Variants in CHST9 observed in about 807,000 individuals in gnomAD.
CHST9 encodes carbohydrate sulfotransferase 9.
In CHST9, 41 loss-of-function variants were observed where a neutral mutation model predicts 44.4. The ratio of observed to expected loss-of-function variants is 0.92; its 90% CI spans 0.72 to 1.20. The LOEUF is 1.20. Ranked by LOEUF, CHST9 falls within the 50% of genes most tolerant of loss-of-function variation. The pLI is 0.00. For synonymous variants in CHST9, 171 were observed against 178.4 expected, an observed-to-expected ratio of 0.96 and a Z score of 0.33; for missense variants, 504 against 516.5, an observed-to-expected ratio of 0.98 and a Z score of 0.23.
At position 27,039,765 on chromosome 18, in the gene CHST9, T is replaced by C. The variant is rs116059339; in HGVS notation, c.160+8700A>G. On this transcript the variant is annotated intron_variant, in intron 3 of 5. Transcript: ENST00000618847. Reference sequence around the variant, plus strand: ...CAGAAAGATATAGTCCATTTCAAGTTACCATGAAGGTTAAGGAAAAATATT... The same window carrying C: ...CAGAAAGATATAGTCCATTTCAAGTCACCATGAAGGTTAAGGAAAAATATT... 1.6e-3 allele frequency among the ~76,000 whole-genome samples: 247 copies of C among 152,304 alleles called. 1 individual carries two copies. The highest frequency in any genetic ancestry group is 5.5e-3 in the African/African-American group (229 of 41,570).
chr18:27,156,772 G>A (rs1567942032), intron 1 of CHST9, among the ~76,000 whole-genome samples: 1 of 152,076 alleles, frequency 6.6e-6, no homozygotes, highest in Admixed American at 6.5e-5. Context: ...AATGGATCAA[G>A]CTGGTTTTGA....
At chr18:27,130,649 T>C (rs1405320430) in intron 2 of CHST9, among the ~76,000 whole-genome samples, 3 of 152,222 alleles carry the variant, frequency 2.0e-5, no homozygotes, top group African/African-American at 4.8e-5. Context: ...TATACAATGA[T>C]ATTCTTAGCA....
chr18:27,020,076 G>GCA (rs1448628267), intron 4 of CHST9, among the ~76,000 whole-genome samples: 4 of 152,202 alleles, frequency 2.6e-5, no homozygotes, highest in Non-Finnish European at 5.9e-5. Context: ...GTTGTAGAGG[G>GCA]CACTGGCGGG....
chr18:27,154,701 C>T (rs533628941), intron 1 of CHST9, among the ~76,000 whole-genome samples: 34 of 151,964 alleles, frequency 2.2e-4, no homozygotes, highest in Admixed American at 9.2e-4. Context: ...TTTATCACAG[C>T]GGTTCGGTAT....
At chr18:27,151,489 G>C (rs1156929978) in intron 1 of CHST9, among the ~76,000 whole-genome samples, 1 of 152,162 alleles carries the variant, frequency 6.6e-6, no homozygotes, top group East Asian at 1.9e-4. Context: ...ACTGGAAGCT[G>C]TGAATATGTG....
chr18:26,999,710 A>G (rs2056926553), intron 4 of CHST9, among the ~76,000 whole-genome samples: 1 of 152,190 alleles, frequency 6.6e-6, no homozygotes, highest in African/African-American at 2.4e-5. Flanking sequence ...TTAACTTTCT[A>G]AATTCTAACA....
intron 5 of CHST9, among the ~76,000 whole-genome samples, chr18:26,937,986 C>T (rs1268110876): frequency 6.6e-6 from 1 of 152,000 alleles, no homozygotes; most frequent in African/African-American, 2.4e-5. Context: ...GTGATTAGCA[C>T]AATTATTGAT....
intron 4 of CHST9, among the ~76,000 whole-genome samples, chr18:27,007,736 T>C (rs181128627): frequency 6.6e-6 from 1 of 152,246 alleles, no homozygotes; most frequent in East Asian, 1.9e-4. Context: ...GTCCTCTGAA[T>C]TTAACAGCAT....
chr18:27,184,548 C>A (rs2058940122), intron 1 of CHST9, among the ~76,000 whole-genome samples: 1 of 152,058 alleles, frequency 6.6e-6, no homozygotes, highest in Non-Finnish European at 1.5e-5. Context: ...CACGATCGCA[C>A]CTGGCCTCCC....
At chr18:26,936,683 AGTT>A (rs1357822288) in intron 5 of CHST9, 1 of 152,184 alleles carries the variant, frequency 6.6e-6, no homozygotes, top group African/African-American at 2.4e-5. Context: ...GAAACATTTC[AGTT>A]ACTCAGTTCA....
intron 2 of CHST9, among the ~76,000 whole-genome samples, chr18:27,114,920 C>G (rs921763924): frequency 2.6e-5 from 4 of 152,134 alleles, no homozygotes; most frequent in African/African-American, 9.7e-5. Context: ...CTGTAATCCC[C>G]ATAATCCCCA....
At chr18:26,943,188 G>C (rs1479375473) in intron 5 of CHST9, among the ~76,000 whole-genome samples, 1 of 152,168 alleles carries the variant, frequency 6.6e-6, no homozygotes, top group Non-Finnish European at 1.5e-5. Context: ...CACAATGATG[G>C]CATTTTCAAG....
intron 4 of CHST9, among the ~76,000 whole-genome samples, chr18:27,008,642 A>C (rs771619125): frequency 6.6e-6 from 1 of 152,194 alleles, no homozygotes; most frequent in Non-Finnish European, 1.5e-5. Context: ...TAAATTGCAT[A>C]AAGTGTTAAA....
intron 4 of CHST9, among the ~76,000 whole-genome samples, chr18:26,964,200 T>A (rs2056436113): frequency 6.6e-6 from 1 of 152,230 alleles, no homozygotes; most frequent in South Asian, 2.1e-4. Context: ...TTTCCTTTAT[T>A]TTATTGCTCA....
At chr18:27,137,304 A>ATATGTGTG (rs1422240359) in intron 2 of CHST9, among the ~76,000 whole-genome samples, 1 of 145,432 alleles carries the variant, frequency 6.9e-6, no homozygotes, top group African/African-American at 2.5e-5. Context: ...TTATTTATAT[A>ATATGTGTG]TGTGTGTGTG....
intron 2 of CHST9, among the ~76,000 whole-genome samples, chr18:27,067,852 A>G (rs567660748): frequency 1.6e-4 from 24 of 152,322 alleles, no homozygotes; most frequent in African/African-American, 5.5e-4. Flanking sequence ...GAGAAAGGGT[A>G]CCAAAACTCA....
intron 4 of CHST9, among the ~76,000 whole-genome samples, chr18:26,990,430 T>A (rs1300263349): frequency 6.6e-6 from 1 of 151,852 alleles, no homozygotes. Flanking sequence ...TGAAAATGTA[T>A]TGGGTTGTTA....
At chr18:27,182,229 T>C (rs1283151518) in intron 1 of CHST9, among the ~76,000 whole-genome samples, 1 of 152,222 alleles carries the variant, frequency 6.6e-6, no homozygotes, top group Admixed American at 6.5e-5. Context: ...TGTAACATGT[T>C]CTTATGTAAT....
In CHST9 at chr18:27,123,227, C is replaced by G. The variant is rs148158987; in HGVS notation, c.121+19462G>C. Among the ~76,000 whole-genome samples the G allele has an allele frequency of 2.8e-4, 42 of 152,214 alleles. No individual in the cohort carries two copies. In the East Asian group the frequency reaches 7.9e-3, roughly 29 times the overall value. ...GCATGGATATGGGGACCATTGGATC[C>G]ACTATGAGATGGAGCTAAGCTGAAA... On this transcript the variant is annotated intron_variant, in intron 2 of 5. Transcript: ENST00000618847.
Sources: allele counts gnomAD v4.1 joint callset (sites outside exome capture counted in the v4.1 genomes callset), GRCh38; gene constraint gnomAD v4.1.1; transcripts MANE v1.5; gene names NCBI Gene and HGNC (gene_info 2026-07-23, HGNC 2026-07-21).